KCNQ1: variants seen among roughly 807,000 people sequenced by gnomAD.
KCNQ1 encodes potassium voltage-gated channel subfamily KQT member 1.
In KCNQ1, 49 loss-of-function variants were observed where a neutral mutation model predicts 72.4. That is an observed-to-expected ratio of 0.68 (90% confidence interval 0.54 to 0.86). KCNQ1 has a LOEUF of 0.86. KCNQ1 is among the 40% of genes least tolerant of loss of function. KCNQ1 has a pLI of 0.00. For synonymous variants in KCNQ1, 450 were observed against 412.6 expected, an observed-to-expected ratio of 1.09 and a Z score of -1.10; for missense variants, 790 against 945.1, an observed-to-expected ratio of 0.84 and a Z score of 2.15.
rs1847926176 is a variant in KCNQ1, at chr11:2,830,502, G to C, written c.1795-17265G>C. 6.6e-6 allele frequency among the ~76,000 whole-genome samples: 1 copy of C among 152,086 alleles called. No individual in the cohort carries two copies. The highest frequency in any genetic ancestry group is 1.5e-5 in the Non-Finnish European group (1 of 67,980). On this transcript the variant is annotated intron_variant, in intron 15 of 15. Coordinates refer to ENST00000155840, the MANE Select transcript of KCNQ1 (RefSeq NM_000218.3). This position sits in a 1 kb window ranked among gnomAD's most constrained non-coding sequence, Gnocchi z 7.7. Reference sequence around the variant, plus strand: ...AGTCAGCATGTATCCCCACACCCCAGTCCCAGTGTCCCAAGAACCTCTTCC... The same window carrying C: ...AGTCAGCATGTATCCCCACACCCCACTCCCAGTGTCCCAAGAACCTCTTCC...
intron 11 of KCNQ1, among the ~76,000 whole-genome samples, chr11:2,709,403 C>T (rs1850967421): frequency 1.4e-5 from 2 of 147,672 alleles, no homozygotes; most frequent in South Asian, 4.6e-4. Flanking sequence ...TGCTCTGGTG[C>T]TACGGTCCTG....
At chr11:2,656,594 A>C in intron 10 of KCNQ1, 1 of 398,596 alleles carries the variant, frequency 2.5e-6, no homozygotes, top group Non-Finnish European at 4.4e-6. Flanking sequence ...GTGATGTGCT[A>C]CTTTGTCTAT....
chr11:2,697,256 T>C lies in KCNQ1; in HGVS notation c.1514+35175T>C, dbSNP rs549973813. 100 of 398,204 alleles carry C rather than the reference T, an allele frequency of 2.5e-4. No individual in the cohort carries two copies. Among genetic ancestry groups the C allele is most frequent in the Non-Finnish European group, 3.9e-4 (89 of 226,020 alleles). 24.7% of individuals were successfully genotyped at this position (398,204 alleles called of 1,614,324 possible). A position where few individuals can be genotyped will look rare whatever the true frequency, so the allele number is the denominator to read the frequency against. ...TCTATCAAGAAAAGCCCTTTGGGGG[T>C]TTCAATAACTTTTAAGAATACAACA... On this transcript the variant is annotated intron_variant, in intron 11 of 15. Coordinates refer to ENST00000155840, the MANE Select transcript of KCNQ1 (RefSeq NM_000218.3).
At chr11:2,641,138 G>C in intron 10 of KCNQ1, 1 of 398,432 alleles carries the variant, frequency 2.5e-6, no homozygotes. Flanking sequence ...CGGGGATGCA[G>C]GTACATTTTT....
intron 10 of KCNQ1, chr11:2,632,970 T>C (rs1008921399): frequency 2.3e-5 from 9 of 398,396 alleles, no homozygotes; most frequent in African/African-American, 4.1e-5. Context: ...TAGTCTACTT[T>C]TAGTTTTTTT....
intron 15 of KCNQ1, among the ~76,000 whole-genome samples, chr11:2,814,101 G>A (rs1473036619): frequency 6.6e-6 from 1 of 151,084 alleles, no homozygotes; most frequent in Non-Finnish European, 1.5e-5. Flanking sequence ...AGAGATGGAG[G>A]GAAGGAGGGA....
At position 2,627,668 on chromosome 11, in the gene KCNQ1, G is replaced by A. The variant is rs1290933828; in HGVS notation, c.1394-34293G>A. 7.5e-6 allele frequency: 3 copies of A among 398,368 alleles called. No homozygotes were observed. Among genetic ancestry groups the A allele is most frequent in the Admixed American group, 8.8e-5 (2 of 22,690 alleles). 24.7% of individuals were successfully genotyped at this position (398,368 alleles called of 1,614,324 possible). On this transcript the variant is annotated intron_variant, in intron 10 of 15. Transcript: ENST00000155840. This position sits in a 1 kb window ranked among gnomAD's most constrained non-coding sequence, Gnocchi z 4.9. Reference sequence around the variant, plus strand: ...AGGATGAATATTTCATTGTGTGTGTGTATATATGTGTGTGTGTGTGTCTGT... The same window carrying A: ...AGGATGAATATTTCATTGTGTGTGTATATATATGTGTGTGTGTGTGTCTGT...
rs1023307668 is a variant in KCNQ1 at position 2,681,146 on chromosome 11, T to C, written c.1514+19065T>C. 8 of 398,530 alleles carry C rather than the reference T, an allele frequency of 2.0e-5. No individual in the cohort carries two copies. In the Admixed American group the frequency reaches 2.6e-4, roughly 13 times the overall value. The allele number at this position is 398,530 out of a possible 1,614,324, so 24.7% of individuals were successfully genotyped here. ...AAGCACCTATGAAAAAATTCTTACA[T>C]AGCAATTCTACTTCTGAATGCTAAG... On this transcript the variant is annotated intron_variant, in intron 11 of 15. Coordinates refer to ENST00000155840, the MANE Select transcript of KCNQ1 (RefSeq NM_000218.3).
Position 2,601,644 on chromosome 11 carries a change from T to C in KCNQ1, c.1393+12790T>C, listed in dbSNP as rs1272643623. ...TTCTCTAGTTTTGTCTTTTCAAAAA[T>C]GCCACGTAAATGGAATCACACAATA... On this transcript the variant is annotated intron_variant, in intron 10 of 15. Transcript: ENST00000155840. This position sits in a 1 kb window ranked among gnomAD's most constrained non-coding sequence, Gnocchi z 5.2. Among the ~76,000 whole-genome samples the C allele has an allele frequency of 6.6e-6, 1 of 152,234 alleles. No individual in the cohort carries two copies. The highest frequency in any genetic ancestry group is 1.9e-4 in the East Asian group (1 of 5,196).
chr11:2,680,056 G>C (rs979849941), intron 11 of KCNQ1: 7 of 395,334 alleles, frequency 1.8e-5, no homozygotes, highest in Non-Finnish European at 3.1e-5. Flanking sequence ...ACCATGACTG[G>C]CTAATTTTTT....
chr11:2,738,675 A>AGG (rs1354627357), intron 11 of KCNQ1, among the ~76,000 whole-genome samples: 2 of 152,112 alleles, frequency 1.3e-5, no homozygotes, highest in Non-Finnish European at 2.9e-5. Flanking sequence ...CTGGGTGTTC[A>AGG]GGGGTGGGGT....
At position 2,654,104 on chromosome 11, in the gene KCNQ1, G is replaced by C; in HGVS notation, c.1394-7857G>C. The C allele has an allele frequency of 2.5e-6, 1 of 398,794 alleles. No individual in the cohort carries two copies. 24.7% of individuals were successfully genotyped at this position (398,794 alleles called of 1,614,324 possible). Reference sequence around the variant, plus strand: ...CATGTCCCTTACTTCTCGCCTCTGAGTGGAGACACAGGTGGTGGCGGGGCC... The same window carrying C: ...CATGTCCCTTACTTCTCGCCTCTGACTGGAGACACAGGTGGTGGCGGGGCC... On this transcript the variant is annotated intron_variant, in intron 10 of 15. Coordinates refer to ENST00000155840, the MANE Select transcript of KCNQ1 (RefSeq NM_000218.3). This position sits in a 1 kb window ranked among gnomAD's most constrained non-coding sequence, Gnocchi z 6.4.
intron 11 of KCNQ1, chr11:2,681,160 C>G (rs1036194287): frequency 1.4e-4 from 55 of 398,602 alleles, no homozygotes; most frequent in African/African-American, 1.1e-3. Context: ...AATTCTACTT[C>G]TGAATGCTAA....
chr11:2,775,881 A>T (rs1272410804), intron 12 of KCNQ1, 79 bp from the exon 13 acceptor site: 1 of 1,375,988 alleles, frequency 7.3e-7, no homozygotes, highest in Non-Finnish European at 1.0e-6. Context: ...CCGAGGGCAG[A>T]CACTGTCACT....
At chr11:2,531,220 C>T (rs2522008) in intron 2 of KCNQ1, among the ~76,000 whole-genome samples, 97,611 of 137,356 alleles carry the variant, frequency 0.71, 35,736 homozygotes, top group Non-Finnish European at 0.76. Flanking sequence ...TTAGACGTGC[C>T]CTGGGCTCCA....
intron 11 of KCNQ1, among the ~76,000 whole-genome samples, chr11:2,707,392 G>A (rs1428641767): frequency 1.3e-5 from 2 of 152,216 alleles, no homozygotes; most frequent in African/African-American, 4.8e-5. Context: ...CCCTAGTCAG[G>A]CCCTGCCTGG....
intron 10 of KCNQ1, among the ~76,000 whole-genome samples, chr11:2,591,778 C>T (rs1030889384): frequency 1.3e-4 from 20 of 152,242 alleles, no homozygotes; most frequent in Admixed American, 9.8e-4. Context: ...ATTTCTCTTT[C>T]CTGCTGGAGT....
intron 11 of KCNQ1, chr11:2,699,928 C>T (rs986707699): frequency 7.5e-6 from 3 of 398,298 alleles, no homozygotes; most frequent in East Asian, 3.6e-5. Flanking sequence ...CGCTGAGGGG[C>T]GCCCTGGCAG....
At chr11:2,706,907 T>TTGGGTGGAG (rs1485836166) in intron 11 of KCNQ1, among the ~76,000 whole-genome samples, 1 of 152,066 alleles carries the variant, frequency 6.6e-6, no homozygotes, top group African/African-American at 2.4e-5. Context: ...CTGTGGCATT[T>TTGGGTGGAG]TGGGTGGAGT....
Sources: gnomAD v4.1 joint callset for allele counts (sites outside exome capture counted in the v4.1 genomes callset) on GRCh38, gnomAD v4.1.1 for gene constraint, Gnocchi (gnomAD v3.1) non-coding constraint, MANE v1.5 for transcripts, NCBI Gene and HGNC (gene_info 2026-07-23, HGNC 2026-07-21) for gene names.